MX1: variants seen among roughly 807,000 people sequenced by gnomAD.
MX1 encodes interferon-induced GTP-binding protein Mx1.
In MX1, 66 loss-of-function variants were observed where a neutral mutation model predicts 66.4. That is an observed-to-expected ratio of 0.99 (90% CI 0.82 to 1.22). The LOEUF (loss-of-function observed/expected upper bound fraction) is 1.22, where lower values mean the gene tolerates loss of function less well. Ranked by LOEUF, MX1 falls within the 50% of genes most tolerant of loss-of-function variation. MX1 has a pLI of 0.00. For missense variants in MX1, 787 were observed against 834.3 expected, an observed-to-expected ratio of 0.94 and a Z score of 0.70; for synonymous variants, 311 against 318.1, an observed-to-expected ratio of 0.98 and a Z score of 0.24.
rs768294068 is a variant in MX1 at position 41,443,773 on chromosome 21, T to C, written c.930-15T>C. On this transcript the variant is annotated splice_polypyrimidine_tract_variant and intron_variant, in intron 10 of 16. Coordinates refer to ENST00000398598, the MANE Select transcript of MX1 (RefSeq NM_002462.5). ...GCTACATCAAGGTGGAAATCGGTCCTGTGTTCTCTTCTAGGGATCTGCTGG... is the reference window on the plus strand; with the variant it reads ...GCTACATCAAGGTGGAAATCGGTCCCGTGTTCTCTTCTAGGGATCTGCTGG... 3.1e-6 allele frequency: 5 copies of C among 1,613,862 alleles called. No homozygotes were observed. The Admixed American group carries it at 6.7e-5, about 22-fold the overall frequency.
rs1483064311 is a variant in MX1 at position 41,435,884 on chromosome 21, C to T, written c.153C>T (p.Pro51=). 1.9e-6 allele frequency: 3 copies of T among 1,614,072 alleles called. No individual in the cohort carries two copies. In the Admixed American group the frequency reaches 5.0e-5, roughly 27 times the overall value. ...GCCAGTATGAGGAGAAGGTGCGCCC[C>T]TGCATCGACCTCATTGACTCCCTGC... ...LCSQYEEKVR[P]CIDLIDSLRA... is the part of the protein sequence containing the mutation. Residue 51 remains proline, a synonymous_variant, in exon 6 of 17, where the codon CCC becomes CCT. Transcript: ENST00000398598.
At chr21:41,444,579 G>C (rs981335708) in intron 11 of MX1, among the ~76,000 whole-genome samples, 3 of 151,832 alleles carry the variant, frequency 2.0e-5, no homozygotes, top group Non-Finnish European at 4.4e-5. Context: ...CAGAGTGCAA[G>C]GTCTTCCACG....
chr21:41,441,150 G>T lies in MX1; in HGVS notation c.730+125G>T. ...GAGCCCGCCTGTGCTCGGTGAGAAT[G>T]GGGGAGCCCGCCTGTGCTCGGTGGT... On this transcript the variant is annotated intron_variant, in intron 9 of 16. Coordinates refer to ENST00000398598, the MANE Select transcript of MX1 (RefSeq NM_002462.5). The surrounding 1 kb of genome is among the most constrained non-coding windows in gnomAD (Gnocchi z 4.0). 8.2e-7 allele frequency: 1 copy of T among 1,214,324 alleles called. No homozygotes were observed. Among genetic ancestry groups the T allele is most frequent in the Non-Finnish European group, 1.1e-6 (1 of 894,102 alleles). 75.2% of individuals were successfully genotyped at this position (1,214,324 alleles called of 1,614,324 possible).
intron 14 of MX1, chr21:41,449,534 C>T: frequency 2.6e-6 from 1 of 390,768 alleles, no homozygotes; most frequent in Non-Finnish European, 4.5e-6. Context: ...CTGGCCCCAA[C>T]TACAAATGCC....
chr21:41,433,369 C>T (rs1486349903), intron 5 of MX1, among the ~76,000 whole-genome samples: 1 of 152,230 alleles, frequency 6.6e-6, no homozygotes, highest in Non-Finnish European at 1.5e-5. Flanking sequence ...ACATGCATAG[C>T]AGCACTGTTT....
At chr21:41,428,406 G>A (rs1268702235) in intron 3 of MX1, 1 of 152,244 alleles carries the variant, frequency 6.6e-6, no homozygotes, top group African/African-American at 2.4e-5. Flanking sequence ...GACCCACAGT[G>A]GAGGCTCTGG....
At chr21:41,432,613 G>T (rs1290698347) in intron 5 of MX1, among the ~76,000 whole-genome samples, 2 of 152,170 alleles carry the variant, frequency 1.3e-5, no homozygotes, top group Non-Finnish European at 2.9e-5. Flanking sequence ...AACCAATCAT[G>T]GCCCCTGGAA....
chr21:41,435,669 G>A (rs1427828570), intron 5 of MX1, among the ~76,000 whole-genome samples, 168 bp from the exon 6 acceptor site: 6 of 152,084 alleles, frequency 3.9e-5, no homozygotes, highest in Non-Finnish European at 7.4e-5. Flanking sequence ...AACAGCATGG[G>A]GGAAACCTCC....
At chr21:41,431,948 G>A in intron 4 of MX1, 102 bp from the exon 5 acceptor site, 1 of 834,524 alleles carries the variant, frequency 1.2e-6, no homozygotes, top group South Asian at 1.6e-5. Flanking sequence ...ACTAGTCAGA[G>A]TCCCCACCTC....
rs138498491 is a variant in MX1, at chr21:41,452,706, A to G, written c.1595A>G (p.Tyr532Cys). The change falls in exon 16 of 17, where the codon TAC (tyrosine) becomes TGC (cysteine). Residue 532 changes from tyrosine to cysteine, a missense_variant. Tyr to Cys is a radical substitution (Grantham distance 194). Transcript: ENST00000398598. ...CACTTCCAGATGGAACAGATTGTCT[A>G]CTGCCAGGACCAGGTATACAGGGGT... ...RLHFQMEQIV[Y>C]CQDQVYRGAL... 16 of 1,614,082 alleles carry G rather than the reference A, an allele frequency of 9.9e-6. No homozygotes were observed. Among genetic ancestry groups the G allele is most frequent in the Non-Finnish European group, 1.4e-5 (16 of 1,180,026 alleles).
At position 41,458,802 on chromosome 21, in the gene MX1, C is replaced by G. The variant is rs1374161631; in HGVS notation, c.*44C>G. On this transcript the variant is annotated 3_prime_UTR_variant, in exon 17 of 17. Transcript: ENST00000398598. ...CGTAGACGTGCACGCACACTGTCTG[C>G]CCCCGTTCCCGGGTAGCCACTGGAC... is the stretch of plus-strand genomic sequence containing the variant. 6.3e-7 allele frequency: 1 copy of G among 1,579,278 alleles called. No individual in the cohort carries two copies. Among genetic ancestry groups the G allele is most frequent in the South Asian group, 1.1e-5 (1 of 88,128 alleles).
intron 1 of MX1, chr21:41,420,858 T>G (rs2089985855): frequency 6.6e-6 from 1 of 152,270 alleles, no homozygotes; most frequent in Non-Finnish European, 1.5e-5. Context: ...GAGCCTGTGG[T>G]GTCAGGCACC....
upstream of MX1, among the ~76,000 whole-genome samples, chr21:41,425,341 A>C (rs997405886): frequency 5.3e-5 from 8 of 152,234 alleles, no homozygotes; most frequent in Non-Finnish European, 4.4e-5. Flanking sequence ...AATCTCACAA[A>C]GTACATTCTC....
chr21:41,458,528 GAGGCCAGC>G lies in MX1; in HGVS notation c.1761_1768del (p.Ser589HisfsTer80), dbSNP rs1180064026. 3 of 1,516,558 alleles carry G rather than the reference GAGGCCAGC, an allele frequency of 2.0e-6. No homozygotes were observed. In the African/African-American group the frequency reaches 4.4e-5, roughly 22 times the overall value. 93.9% of individuals were successfully genotyped at this position (1,516,558 alleles called of 1,614,324 possible). A position where few individuals can be genotyped will look rare whatever the true frequency, so the allele number is the denominator to read the frequency against. ...CCCGTGAACTGTTCTTTCCTTCCAGGAGGCCAGCAAGCGCATCTCCAGCCACATCCCTT... is the reference window on the plus strand; with the variant it reads ...CCCGTGAACTGTTCTTTCCTTCCAGGAAGCGCATCTCCAGCCACATCCCTT... On this transcript the variant is annotated frameshift_variant and splice_region_variant, in exon 17 of 17. Transcript: ENST00000398598. LOFTEE classifies it low-confidence loss of function (END_TRUNC).
rs1031169188 is a variant in MX1 at position 41,458,837 on chromosome 21, G to C, written c.*79G>C. ...CGGGTAGCCACTGGACTGACGACTT[G>C]AGTGCTCAGTAGTCAGACTGGATAG... On this transcript the variant is annotated 3_prime_UTR_variant, in exon 17 of 17. Coordinates refer to ENST00000398598, the MANE Select transcript of MX1 (RefSeq NM_002462.5). 37 of 1,532,342 alleles carry C rather than the reference G, an allele frequency of 2.4e-5. No homozygotes were observed. The African/African-American group carries it at 3.9e-4, about 16-fold the overall frequency. The allele number at this position is 1,532,342 out of a possible 1,614,324, so 94.9% of individuals were successfully genotyped here. A position where few individuals can be genotyped will look rare whatever the true frequency, so the allele number is the denominator to read the frequency against.
chr21:41,425,662 G>T (rs889024169), upstream of MX1, among the ~76,000 whole-genome samples: 1 of 151,954 alleles, frequency 6.6e-6, no homozygotes, highest in Non-Finnish European at 1.5e-5. Flanking sequence ...CCACACACCC[G>T]TTTCCACCCT....
At chr21:41,449,538 A>C (rs2090765744) in intron 14 of MX1, 1 of 385,024 alleles carries the variant, frequency 2.6e-6, no homozygotes, top group South Asian at 6.6e-5. Context: ...CCCCAACTAC[A>C]AATGCCGGTC....
intron 7 of MX1, 96 bp downstream of exon 7, chr21:41,437,248 G>C (rs964639166): frequency 1.4e-6 from 2 of 1,398,548 alleles, no homozygotes; most frequent in African/African-American, 2.9e-5. Context: ...GGCCTGTGCT[G>C]TCAGGACACC....
upstream of MX1, among the ~76,000 whole-genome samples, chr21:41,425,238 C>T (rs1049867966): frequency 1.3e-4 from 19 of 151,932 alleles, no homozygotes; most frequent in African/African-American, 3.6e-4. Flanking sequence ...AGAGAGTCAG[C>T]GAAGGGAGAT....
Sources: gnomAD v4.1 joint callset for allele counts (sites outside exome capture counted in the v4.1 genomes callset) on GRCh38, gnomAD v4.1.1 for gene constraint, Gnocchi (gnomAD v3.1) non-coding constraint, MANE v1.5 for transcripts, NCBI Gene and HGNC (gene_info 2026-07-23, HGNC 2026-07-21) for gene names.